Variants in GMDS observed in about 807,000 individuals in gnomAD.
The protein encoded by GMDS is GDP-mannose 4,6 dehydratase.
A neutral mutation model predicts 49.9 loss-of-function variants in GMDS; 20 were observed. The ratio of observed to expected loss-of-function variants is 0.40; its 90% CI spans 0.28 to 0.58. The LOEUF is 0.58. Among genes scored for constraint, GMDS ranks in the 20% least tolerant of loss-of-function variants. The pLI, the probability that GMDS is intolerant of heterozygous loss-of-function variation, is 0.42. For missense variants in GMDS, 362 were observed against 481.4 expected (o/e 0.75, Z 2.32); for synonymous variants, 177 against 178.6 (o/e 0.99, Z 0.07).
rs368873874 is a variant in GMDS at position 1,894,385 on chromosome 6, T to C, written c.771+35718A>G. Reference sequence around the variant, plus strand: ...GGTATTTATTTTATGTTTTATATTATAGGGGTATTTATTAGGACAGTGTTA... The same window carrying C: ...GGTATTTATTTTATGTTTTATATTACAGGGGTATTTATTAGGACAGTGTTA... On this transcript the variant is annotated intron_variant, in intron 7 of 10. Transcript: ENST00000380815. Among the ~76,000 whole-genome samples the C allele has an allele frequency of 2.6e-5, 4 of 152,368 alleles. No individual in the cohort carries two copies. In the East Asian group the frequency reaches 5.8e-4, roughly 22 times the overall value.
chr6:1,897,515 C>T (rs1760263837), intron 7 of GMDS, among the ~76,000 whole-genome samples: 1 of 152,150 alleles, frequency 6.6e-6, no homozygotes, highest in African/African-American at 2.4e-5. Context: ...AGTCCAGGTT[C>T]TGTCTCCTCT....
At chr6:1,951,139 A>G (rs1252239882) in intron 6 of GMDS, among the ~76,000 whole-genome samples, 1 of 152,194 alleles carries the variant, frequency 6.6e-6, no homozygotes, top group Admixed American at 6.5e-5. Flanking sequence ...AAATAAAGAC[A>G]ATCTTTAAAA....
Position 1,640,608 on chromosome 6 carries a change from C to T in GMDS, c.988-16068G>A, listed in dbSNP as rs1268199553. On this transcript the variant is annotated intron_variant, in intron 9 of 10. Coordinates refer to ENST00000380815, the MANE Select transcript of GMDS (RefSeq NM_001500.4). The surrounding 1 kb of genome is among the most constrained non-coding windows in gnomAD (Gnocchi z 4.0). ...TTGGAGAGAATACATTTCTTATAAACAGCAGGGCAGGCTGTCTCAGGTGTG... is the reference window on the plus strand; with the variant it reads ...TTGGAGAGAATACATTTCTTATAAATAGCAGGGCAGGCTGTCTCAGGTGTG... Among the ~76,000 whole-genome samples the T allele has an allele frequency of 6.6e-6, 1 of 152,182 alleles. No homozygotes were observed. Among genetic ancestry groups the T allele is most frequent in the Non-Finnish European group, 1.5e-5 (1 of 68,036 alleles).
At chr6:1,942,958 T>C (rs1581397676) in intron 6 of GMDS, among the ~76,000 whole-genome samples, 2 of 152,244 alleles carry the variant, frequency 1.3e-5, no homozygotes, top group African/African-American at 2.4e-5. Flanking sequence ...GTACTCTCTT[T>C]GCCCTGACTC....
chr6:2,206,022 G>A (rs552237472), intron 1 of GMDS, among the ~76,000 whole-genome samples: 13 of 152,212 alleles, frequency 8.5e-5, no homozygotes, highest in African/African-American at 2.9e-4. Flanking sequence ...GCTTTGGGAG[G>A]CCAAGGCGGG....
chr6:1,974,191 C>CT (rs1421246678), intron 4 of GMDS, among the ~76,000 whole-genome samples: 2 of 150,754 alleles, frequency 1.3e-5, no homozygotes, highest in Non-Finnish European at 3.0e-5. Context: ...GTAAAAGAGC[C>CT]TTTTTAAAAT....
chr6:1,953,533 T>TAAAC (rs1763469447), intron 6 of GMDS, among the ~76,000 whole-genome samples: 1 of 152,228 alleles, frequency 6.6e-6, no homozygotes, highest in Non-Finnish European at 1.5e-5. Context: ...TATAGTTTTG[T>TAAAC]AAAGGTCACC....
At chr6:2,213,695 C>T (rs1207771953) in intron 1 of GMDS, among the ~76,000 whole-genome samples, 1 of 152,034 alleles carries the variant, frequency 6.6e-6, no homozygotes, top group Non-Finnish European at 1.5e-5. Context: ...TACCAATCAG[C>T]GAGCATTAGA....
At chr6:2,035,209 G>A (rs180893882) in intron 4 of GMDS, among the ~76,000 whole-genome samples, 1 of 152,268 alleles carries the variant, frequency 6.6e-6, no homozygotes, top group Non-Finnish European at 1.5e-5. Context: ...TGGAGGGAAG[G>A]CTTCATTATG....
At chr6:2,010,255 A>G (rs1767472337) in intron 4 of GMDS, among the ~76,000 whole-genome samples, 1 of 150,550 alleles carries the variant, frequency 6.6e-6, no homozygotes, top group Non-Finnish European at 1.5e-5. Context: ...TGAACCCGAG[A>G]GGCAGAGGTT....
intron 4 of GMDS, among the ~76,000 whole-genome samples, chr6:2,051,923 C>A (rs1014961681): frequency 7.2e-5 from 11 of 151,908 alleles, no homozygotes; most frequent in Non-Finnish European, 1.5e-4. Flanking sequence ...TCAAGACCAG[C>A]CTGGCCAACA....
intron 4 of GMDS, among the ~76,000 whole-genome samples, chr6:2,065,794 A>T (rs1414352893): frequency 6.6e-6 from 1 of 152,208 alleles, no homozygotes; most frequent in Non-Finnish European, 1.5e-5. Context: ...TCTACGTCTG[A>T]TTGGTGTACC....
chr6:1,847,896 A>T (rs533492720), intron 7 of GMDS, among the ~76,000 whole-genome samples: 1 of 152,284 alleles, frequency 6.6e-6, no homozygotes, highest in African/African-American at 2.4e-5. Flanking sequence ...TCTAACGGGA[A>T]GATCAGCACT....
intron 6 of GMDS, among the ~76,000 whole-genome samples, chr6:1,948,341 T>C (rs1018300534): frequency 5.9e-5 from 9 of 152,222 alleles, no homozygotes; most frequent in African/African-American, 2.2e-4. Flanking sequence ...CACTTACAAT[T>C]AACAAAATTT....
At chr6:1,730,286 A>G (rs1183730531) in intron 8 of GMDS, among the ~76,000 whole-genome samples, 3 of 152,124 alleles carry the variant, frequency 2.0e-5, no homozygotes, top group Non-Finnish European at 4.4e-5. Context: ...AACTCACATG[A>G]GCTAAGAGGG....
chr6:2,039,949 CAGT>C (rs1409850533), intron 4 of GMDS, among the ~76,000 whole-genome samples: 6 of 152,188 alleles, frequency 3.9e-5, no homozygotes, highest in African/African-American at 1.4e-4. Context: ...ACTGGCAGTG[CAGT>C]AGGTTTGTTT....
chr6:1,851,324 G>C (rs1021760046), intron 7 of GMDS, among the ~76,000 whole-genome samples: 1 of 152,176 alleles, frequency 6.6e-6, no homozygotes, highest in East Asian at 1.9e-4. Context: ...GGAAAGTTGT[G>C]AGACTGAGAA....
In GMDS at chr6:2,115,675, C is replaced by G. The variant is rs1160563095; in HGVS notation, c.345+96G>C. On this transcript the variant is annotated intron_variant, in intron 4 of 10. Coordinates refer to ENST00000380815, the MANE Select transcript of GMDS (RefSeq NM_001500.4). ...GACAATTCAACTTGAAGACTAAGAC[C>G]AGTGATTATATTACTACACTGAGAA... 9 of 718,390 alleles carry G rather than the reference C, an allele frequency of 1.3e-5. No individual in the cohort carries two copies. In the Admixed American group the frequency reaches 1.7e-4, roughly 14 times the overall value. 44.5% of individuals were successfully genotyped at this position (718,390 alleles called of 1,614,324 possible).
At chr6:2,208,125 A>G (rs1490242417) in intron 1 of GMDS, among the ~76,000 whole-genome samples, 1 of 152,072 alleles carries the variant, frequency 6.6e-6, no homozygotes, top group Non-Finnish European at 1.5e-5. Flanking sequence ...CACATCATGT[A>G]AGAGAAGTCT....
Sources: gnomAD v4.1 joint callset for allele counts (sites outside exome capture counted in the v4.1 genomes callset) on GRCh38, gnomAD v4.1.1 for gene constraint, Gnocchi (gnomAD v3.1) non-coding constraint, MANE v1.5 for transcripts, NCBI Gene and HGNC (gene_info 2026-07-23, HGNC 2026-07-21) for gene names.